Variants in PTPRN2 observed in about 807,000 individuals in gnomAD.
PTPRN2 encodes receptor-type tyrosine-protein phosphatase N2.
In PTPRN2, 74 loss-of-function variants were observed where a neutral mutation model predicts 118.8. The ratio of observed to expected loss-of-function variants is 0.62; its 90% CI spans 0.52 to 0.76. The LOEUF (loss-of-function observed/expected upper bound fraction) is 0.76. PTPRN2 is among the 30% of genes least tolerant of loss of function. The probability of loss-of-function intolerance (pLI) is 0.00; values close to 1 mark genes in which losing one functional copy is unlikely to be tolerated. For missense variants in PTPRN2, 1,481 were observed against 1,394.4 expected (o/e 1.06, Z -0.99); for synonymous variants, 641 against 608.0 (o/e 1.05, Z -0.80).
At chr7:158,244,848 T>TG (rs553496878) in intron 3 of PTPRN2, among the ~76,000 whole-genome samples, 19 of 152,062 alleles carry the variant, frequency 1.2e-4, no homozygotes, top group African/African-American at 3.6e-4. Context: ...TGTGAGTGTA[T>TG]GGGGGGCGTG....
intron 12 of PTPRN2, among the ~76,000 whole-genome samples, chr7:157,754,384 A>G (rs57635508): frequency 0.035 from 5,315 of 152,340 alleles, 218 homozygotes; most frequent in East Asian, 0.11. Flanking sequence ...ATGCCCCGAC[A>G]CTCGGCTTCC....
chr7:158,059,266 C>A (rs6974309), intron 11 of PTPRN2, among the ~76,000 whole-genome samples: 3,302 of 136,602 alleles, frequency 0.024, no homozygotes, highest in Admixed American at 0.061. Context: ...ACCACTGCAG[C>A]CACACTCCAT....
chr7:158,148,687 TGC>T (rs1820486306), intron 6 of PTPRN2, among the ~76,000 whole-genome samples: 2 of 3,400 alleles, frequency 5.9e-4, no homozygotes, highest in African/African-American at 1.6e-3. Context: ...TCACGCCACA[TGC>T]CTTTCCCCCT....
At position 157,683,994 on chromosome 7, in the gene PTPRN2, A is replaced by G. The variant is rs371526316; in HGVS notation, c.1789-1057T>C. On this transcript the variant is annotated intron_variant, in intron 12 of 22. Coordinates refer to ENST00000389418, the MANE Select transcript of PTPRN2 (RefSeq NM_002847.5). ...TTCCCCATGAATGCCTGGCCGGCCT[A>G]TTCATTATCTCTCTTCTATTAGTAA... Among the ~76,000 whole-genome samples the G allele has an allele frequency of 3.3e-5, 5 of 151,968 alleles. No homozygotes were observed. In the East Asian group the frequency reaches 5.8e-4, roughly 18 times the overall value.
chr7:157,651,382 C>CAA (rs1160493158), intron 14 of PTPRN2, among the ~76,000 whole-genome samples: 1 of 152,204 alleles, frequency 6.6e-6, no homozygotes, highest in African/African-American at 2.4e-5. Context: ...CTTCAACACT[C>CAA]AAGAGGATGG....
chr7:158,365,292 G>A (rs1194995869), intron 2 of PTPRN2, among the ~76,000 whole-genome samples: 1 of 152,214 alleles, frequency 6.6e-6, no homozygotes, highest in African/African-American at 2.4e-5. Flanking sequence ...CAGCGGGGCT[G>A]GAGGCAGACC....
chr7:158,573,395 G>A (rs1828152018), intron 1 of PTPRN2, among the ~76,000 whole-genome samples: 1 of 152,126 alleles, frequency 6.6e-6, no homozygotes, highest in Admixed American at 6.5e-5. Flanking sequence ...GTCATTCGTT[G>A]GTATCAATTT....
At chr7:157,839,624 G>A (rs961458174) in intron 12 of PTPRN2, among the ~76,000 whole-genome samples, 4 of 151,948 alleles carry the variant, frequency 2.6e-5, no homozygotes, top group Admixed American at 2.0e-4. Flanking sequence ...GTGTGGGAAT[G>A]TGTCTGTGTA....
intron 2 of PTPRN2, among the ~76,000 whole-genome samples, chr7:158,436,881 T>G (rs1481470358): frequency 6.6e-6 from 1 of 152,182 alleles, no homozygotes; most frequent in Non-Finnish European, 1.5e-5. Flanking sequence ...TAGGGTTTTC[T>G]TTGTGTTCAT....
At chr7:158,173,570 A>G (rs1443673751) in intron 5 of PTPRN2, among the ~76,000 whole-genome samples, 1 of 152,190 alleles carries the variant, frequency 6.6e-6, no homozygotes, top group African/African-American at 2.4e-5. Context: ...CTTGATAAAC[A>G]TCTTAACAGG....
At chr7:158,408,248 C>T (rs1429851455) in intron 2 of PTPRN2, among the ~76,000 whole-genome samples, 1 of 152,142 alleles carries the variant, frequency 6.6e-6, no homozygotes. Context: ...CCAGAGGCAG[C>T]ATTAAACATT....
At chr7:157,594,623 C>T (rs922395790) in intron 17 of PTPRN2, among the ~76,000 whole-genome samples, 10 of 152,388 alleles carry the variant, frequency 6.6e-5, no homozygotes, top group Admixed American at 3.9e-4. Flanking sequence ...CGGTAACTCA[C>T]GGCCACGTTC....
intron 11 of PTPRN2, among the ~76,000 whole-genome samples, chr7:157,928,560 C>A (rs151169304): frequency 7.2e-5 from 11 of 151,904 alleles, no homozygotes; most frequent in Non-Finnish European, 1.3e-4. Context: ...AAAGAGATTG[C>A]GAAGCCACCC....
intron 3 of PTPRN2, among the ~76,000 whole-genome samples, chr7:158,253,108 A>G (rs901035370): frequency 1.3e-5 from 2 of 152,242 alleles, no homozygotes; most frequent in African/African-American, 4.8e-5. Context: ...AGTGCTTTAA[A>G]TATGTGTCAA....
intron 14 of PTPRN2, among the ~76,000 whole-genome samples, chr7:157,646,574 AC>A (rs1805087006): frequency 6.6e-6 from 1 of 152,060 alleles, no homozygotes; most frequent in South Asian, 2.1e-4. Context: ...TGTCTAATGA[AC>A]CCGGGTCTAA....
intron 14 of PTPRN2, among the ~76,000 whole-genome samples, chr7:157,654,956 T>C (rs1805972985): frequency 6.6e-6 from 1 of 152,200 alleles, no homozygotes; most frequent in South Asian, 2.1e-4. Context: ...GCTCCTTTTC[T>C]AAAAGGGACA....
At chr7:158,328,648 C>G (rs575292666) in intron 2 of PTPRN2, among the ~76,000 whole-genome samples, 1 of 151,940 alleles carries the variant, frequency 6.6e-6, no homozygotes, top group Non-Finnish European at 1.5e-5. Context: ...CTCCCACCAC[C>G]CAGATCCCAG....
intron 12 of PTPRN2, among the ~76,000 whole-genome samples, chr7:157,757,612 C>T (rs1002240961): frequency 2.0e-4 from 30 of 151,124 alleles, no homozygotes; most frequent in Admixed American, 2.0e-3. Context: ...TTTTCTATCT[C>T]GAAGCCGTGC....
At chr7:158,145,870 C>T (rs1048326123) in intron 6 of PTPRN2, among the ~76,000 whole-genome samples, 2 of 152,280 alleles carry the variant, frequency 1.3e-5, no homozygotes, top group African/African-American at 4.8e-5. Context: ...ACCATGCTCC[C>T]GGAGTCTTGG....
Sources: allele counts gnomAD v4.1 joint callset (sites outside exome capture counted in the v4.1 genomes callset), GRCh38; gene constraint gnomAD v4.1.1; transcripts MANE v1.5; gene names NCBI Gene and HGNC (gene_info 2026-07-23, HGNC 2026-07-21).